Variants in SLC35G6 observed in about 807,000 individuals in gnomAD.
SLC35G6 encodes solute carrier family 35 member G6.
SLC35G6 carries 18 observed loss-of-function variants against 20.3 expected under a neutral mutation model. The observed-to-expected ratio is 0.88, with a 90% CI of 0.61 to 1.31. The LOEUF (loss-of-function observed/expected upper bound fraction) is 1.31. Ranked by LOEUF, SLC35G6 falls within the 40% of genes most tolerant of loss-of-function variation. The pLI is 0.00. For synonymous variants in SLC35G6, 156 were observed against 200.9 expected (o/e 0.78, Z 1.89); for missense variants, 372 against 433.4 (o/e 0.86, Z 1.26).
At chr17:7,481,559 A>G in intron 1 of SLC35G6, 40 bp downstream of exon 1, 2 of 1,446,476 alleles carry the variant, frequency 1.4e-6, no homozygotes, top group East Asian at 5.0e-5. Context: ...CCCTCCCTAT[A>G]GCTCCTGGTT....
In SLC35G6 at chr17:7,482,385, G is replaced by A. The variant is rs368097455; in HGVS notation, c.401G>A (p.Arg134His). Reference sequence around the variant, plus strand: ...CCCGCTGGCAACGCTGCCACTGTTCGCAAAGGTTCTTCCACCGTCTGCTCC... The same window carrying A: ...CCCGCTGGCAACGCTGCCACTGTTCACAAAGGTTCTTCCACCGTCTGCTCC... ...VVPAGNAATV[R>H]KGSSTVCSAV... The change falls in exon 2 of 2, where the codon CGC becomes CAC. Residue 134 changes from arginine (R) to histidine (H), a missense_variant. By Grantham distance (29) the Arg-to-His change is conservative. Transcript: ENST00000412468. 2.9e-5 allele frequency: 47 copies of A among 1,613,862 alleles called. No homozygotes were observed. Among genetic ancestry groups the A allele is most frequent in the Non-Finnish European group, 3.3e-5 (39 of 1,179,864 alleles).
rs1343892803 is a variant in SLC35G6 at position 7,483,136 on chromosome 17, T to C, written c.*135T>C. 18 of 1,465,868 alleles carry C rather than the reference T, an allele frequency of 1.2e-5. No homozygotes were observed. In the African/African-American group the frequency reaches 1.8e-4, roughly 15 times the overall value. The allele number at this position is 1,465,868 out of a possible 1,614,324, so 90.8% of individuals were successfully genotyped here. A position where few individuals can be genotyped will look rare whatever the true frequency, so the allele number is the denominator to read the frequency against. On this transcript the variant is annotated 3_prime_UTR_variant, in exon 2 of 2. Coordinates refer to ENST00000412468, the MANE Select transcript of SLC35G6 (RefSeq NM_001102614.2). ...GATACCTCTCAGAGTCAAGGGTGAC[T>C]TGGGGACTTGGTGGAGAGGGACTAC...
In SLC35G6 at chr17:7,483,237, G is replaced by A. The variant is rs773253157; in HGVS notation, c.*236G>A. 1.3e-6 allele frequency: 1 copy of A among 784,172 alleles called. No individual in the cohort carries two copies. The highest frequency in any genetic ancestry group is 2.8e-5 in the East Asian group (1 of 36,152). The allele number at this position is 784,172 out of a possible 1,614,324, so 48.6% of individuals were successfully genotyped here. A position where few individuals can be genotyped will look rare whatever the true frequency, so the allele number is the denominator to read the frequency against. On this transcript the variant is annotated 3_prime_UTR_variant, in exon 2 of 2. Coordinates refer to ENST00000412468, the MANE Select transcript of SLC35G6 (RefSeq NM_001102614.2). ...GGTCCTGGAATCAGGGCATAACTAA[G>A]GGGTAAAGTCTGAGGAGCAGATCCA...
At position 7,483,020 on chromosome 17, in the gene SLC35G6, G is replaced by C; in HGVS notation, c.*19G>C. Reference sequence around the variant, plus strand: ...GGAGTGAGATAGAACTTGGGAGCCCGGGGGTTGGGAGGGACAGGGATAAAT... The same window carrying C: ...GGAGTGAGATAGAACTTGGGAGCCCCGGGGTTGGGAGGGACAGGGATAAAT... On this transcript the variant is annotated 3_prime_UTR_variant, in exon 2 of 2. Transcript: ENST00000412468. 1 of 1,611,828 alleles carries C rather than the reference G, an allele frequency of 6.2e-7. No homozygotes were observed. The highest frequency in any genetic ancestry group is 8.5e-7 in the Non-Finnish European group (1 of 1,179,780).
At chr17:7,481,623 T>C in intron 1 of SLC35G6, 104 bp downstream of exon 1, 1 of 792,688 alleles carries the variant, frequency 1.3e-6, no homozygotes, top group South Asian at 2.3e-5. Flanking sequence ...TACCCACAAA[T>C]AGAATTCATA....
rs2070369891 is a variant in SLC35G6 at position 7,483,162 on chromosome 17, C to T, written c.*161C>T. 3.7e-6 allele frequency: 5 copies of T among 1,359,836 alleles called. No individual in the cohort carries two copies. The highest frequency in any genetic ancestry group is 4.0e-6 in the Non-Finnish European group (4 of 1,010,556). 84.2% of individuals were successfully genotyped at this position (1,359,836 alleles called of 1,614,324 possible). A position where few individuals can be genotyped will look rare whatever the true frequency, so the allele number is the denominator to read the frequency against. On this transcript the variant is annotated 3_prime_UTR_variant, in exon 2 of 2. Transcript: ENST00000412468. ...TGGGGACTTGGTGGAGAGGGACTAC[C>T]TGGAAGACCTGGGGCCAGCCTGGGA...
At chr17:7,481,889 CA>C in intron 1 of SLC35G6, 98 bp from the exon 2 acceptor site, 4 of 1,468,146 alleles carry the variant, frequency 2.7e-6, no homozygotes, top group Non-Finnish European at 3.6e-6. Context: ...CAACACTGTA[CA>C]GTCCCACAGG....
In SLC35G6 at chr17:7,483,118, C is replaced by T; in HGVS notation, c.*117C>T. 6.6e-7 allele frequency: 1 copy of T among 1,510,728 alleles called. No homozygotes were observed. The highest frequency in any genetic ancestry group is 8.9e-7 in the Non-Finnish European group (1 of 1,121,984). The allele number at this position is 1,510,728 out of a possible 1,614,324, so 93.6% of individuals were successfully genotyped here. A position where few individuals can be genotyped will look rare whatever the true frequency, so the allele number is the denominator to read the frequency against. The stretch of plus-strand genomic sequence containing the variant: ...GAACTGGTGTGGGAGAGGGATACCT[C>T]TCAGAGTCAAGGGTGACTTGGGGAC... On this transcript the variant is annotated 3_prime_UTR_variant, in exon 2 of 2. Coordinates refer to ENST00000412468, the MANE Select transcript of SLC35G6 (RefSeq NM_001102614.2).
intron 1 of SLC35G6, among the ~76,000 whole-genome samples, 195 bp downstream of exon 1, chr17:7,481,714 G>A (rs939029355): frequency 2.9e-4 from 44 of 152,090 alleles, no homozygotes; most frequent in African/African-American, 9.7e-4. Flanking sequence ...TCCTCAATCC[G>A]AGAGAGCATC....
chr17:7,482,117 C>G lies in SLC35G6; in HGVS notation c.133C>G (p.Leu45Val), dbSNP rs199848902. 1.2e-6 allele frequency: 2 copies of G among 1,613,552 alleles called. No homozygotes were observed. The highest frequency in any genetic ancestry group is 1.1e-5 in the South Asian group (1 of 91,024). Reference protein sequence around the residue: ...DATNGLLVALLGGGLPAGFVG... With the variant: ...DATNGLLVALVGGGLPAGFVG... Reference sequence around the variant, plus strand: ...CACCAATGGCCTGCTGGTGGCCCTGCTGGGTGGGGGCCTGCCTGCTGGCTT... The same window carrying G: ...CACCAATGGCCTGCTGGTGGCCCTGGTGGGTGGGGGCCTGCCTGCTGGCTT... Residue 45 changes from leucine to valine, a missense_variant, in exon 2 of 2, where the codon CTG becomes GTG. Coordinates refer to ENST00000412468, the MANE Select transcript of SLC35G6 (RefSeq NM_001102614.2).
chr17:7,481,866 C>T, intron 1 of SLC35G6, 122 bp from the exon 2 acceptor site: 2 of 1,370,132 alleles, frequency 1.5e-6, no homozygotes. Context: ...AAGAGTTCCT[C>T]AGCAAGATAG....
intron 1 of SLC35G6, 133 bp from the exon 2 acceptor site, chr17:7,481,855 G>C (rs8065577): frequency 0.75 from 982,877 of 1,310,276 alleles, 370,528 homozygotes; most frequent in East Asian, 0.89. Flanking sequence ...TTCTAGCTCC[G>C]AAGAGTTCCT....
chr17:7,483,109 G>A lies in SLC35G6; in HGVS notation c.*108G>A, dbSNP rs11078680. ...ACTGGAAAAGAACTGGTGTGGGAGA[G>A]GGATACCTCTCAGAGTCAAGGGTGA... On this transcript the variant is annotated 3_prime_UTR_variant, in exon 2 of 2. Transcript: ENST00000412468. 903,497 of 1,533,178 alleles carry A rather than the reference G, an allele frequency of 0.59. 268,408 individuals are homozygous for A. Among genetic ancestry groups the A allele is most frequent in the East Asian group, 0.66 (27,582 of 41,638 alleles). 95.0% of individuals were successfully genotyped at this position (1,533,178 alleles called of 1,614,324 possible).
Position 7,483,004 on chromosome 17 carries a change from T to C in SLC35G6, c.*3T>C, listed in dbSNP as rs367984355. 3 of 1,611,552 alleles carry C rather than the reference T, an allele frequency of 1.9e-6. No homozygotes were observed. The highest frequency in any genetic ancestry group is 2.3e-4 in the Middle Eastern group (1 of 4,430). ...GGGAAGGGAAGGTGGAGGAGTGAGA[T>C]AGAACTTGGGAGCCCGGGGGTTGGG... is the stretch of plus-strand genomic sequence containing the variant. On this transcript the variant is annotated 3_prime_UTR_variant, in exon 2 of 2. Coordinates refer to ENST00000412468, the MANE Select transcript of SLC35G6 (RefSeq NM_001102614.2).
At chr17:7,481,855 G>A (rs8065577) in intron 1 of SLC35G6, 133 bp from the exon 2 acceptor site, 1 of 1,311,968 alleles carries the variant, frequency 7.6e-7, no homozygotes, top group African/African-American at 1.5e-5. Flanking sequence ...TTCTAGCTCC[G>A]AAGAGTTCCT....
Position 7,482,401 on chromosome 17 carries a change from C to T in SLC35G6, c.417C>T (p.Thr139=), listed in dbSNP as rs746542123. 19 of 1,613,990 alleles carry T rather than the reference C, an allele frequency of 1.2e-5. No homozygotes were observed. The East Asian group carries it at 2.5e-4, about 21-fold the overall frequency. ...CCACTGTTCGCAAAGGTTCTTCCAC[C>T]GTCTGCTCCGCCGTCCTCACCCTCT... The part of the protein sequence containing the change: ...NAATVRKGSS[T]VCSAVLTLCL... Residue 139 remains threonine (T), a synonymous_variant, in exon 2 of 2, where the codon ACC becomes ACT. Transcript: ENST00000412468.
At chr17:7,481,843 C>T in intron 1 of SLC35G6, 145 bp from the exon 2 acceptor site, 1 of 1,221,980 alleles carries the variant, frequency 8.2e-7, no homozygotes, top group Non-Finnish European at 1.1e-6. Context: ...CTTTTAGGCC[C>T]TTTCTAGCTC....
At position 7,482,513 on chromosome 17, in the gene SLC35G6, C is replaced by G; in HGVS notation, c.529C>G (p.Leu177Val). The G allele has an allele frequency of 6.2e-7, 1 of 1,613,496 alleles. No homozygotes were observed. The highest frequency in any genetic ancestry group is 8.5e-7 in the Non-Finnish European group (1 of 1,179,918). Reference sequence around the variant, plus strand: ...ACTAATCATCATTGTGGGACCTGGACTCTGGACACTACAGGAGGGGATCAC... The same window carrying G: ...ACTAATCATCATTGTGGGACCTGGAGTCTGGACACTACAGGAGGGGATCAC... ...LGLIIIVGPG[L>V]WTLQEGITGV... The change falls in exon 2 of 2, where the codon CTC becomes GTC. Residue 177 changes from leucine (L) to valine (V), a missense_variant. Leu to Val is a conservative substitution (Grantham distance 32). Coordinates refer to ENST00000412468, the MANE Select transcript of SLC35G6 (RefSeq NM_001102614.2).
At chr17:7,481,930 G>T in intron 1 of SLC35G6, 58 bp from the exon 2 acceptor site, 2 of 1,542,286 alleles carry the variant, frequency 1.3e-6, no homozygotes, top group Non-Finnish European at 1.7e-6. Flanking sequence ...CATCTGCCCT[G>T]CCCCAGGTCG....
Sources: gnomAD v4.1 joint callset for allele counts (sites outside exome capture counted in the v4.1 genomes callset) on GRCh38, gnomAD v4.1.1 for gene constraint, MANE v1.5 for transcripts, NCBI Gene and HGNC (gene_info 2026-07-23, HGNC 2026-07-21) for gene names.